CDH18: variants seen among roughly 807,000 people sequenced by gnomAD.
CDH18 encodes the protein cadherin 18, also known as cadherin-18.
Under a neutral mutation model 67.9 loss-of-function variants are expected in CDH18, and 31 were observed. The observed-to-expected ratio is 0.46, with a 90% CI of 0.34 to 0.62. CDH18 has a LOEUF of 0.62. CDH18 is among the 20% of genes least tolerant of loss of function. CDH18 has a pLI of 0.01. For synonymous variants in CDH18, 362 were observed against 347.2 expected (o/e 1.04, Z -0.48); for missense variants, 890 against 975.5 (o/e 0.91, Z 1.17).
chr5:20,229,994 C>T (rs754869015), intron 2 of CDH18, among the ~76,000 whole-genome samples: 5 of 152,168 alleles, frequency 3.3e-5, no homozygotes, highest in Non-Finnish European at 7.4e-5. Flanking sequence ...CCAGGCACTG[C>T]AGTTACCAGC....
chr5:20,161,416 G>A (rs1429500856), intron 2 of CDH18, among the ~76,000 whole-genome samples: 2 of 152,144 alleles, frequency 1.3e-5, no homozygotes, highest in Non-Finnish European at 2.9e-5. Context: ...TACACTTGCT[G>A]GCACTATGCT....
At chr5:20,465,564 A>G (rs1214907808) in intron 1 of CDH18, among the ~76,000 whole-genome samples, 3 of 152,188 alleles carry the variant, frequency 2.0e-5, no homozygotes, top group Middle Eastern at 3.4e-3. Context: ...TGAAATACAT[A>G]TGGAGTAATA....
chr5:19,791,980 A>C (rs1304300456), intron 3 of CDH18, among the ~76,000 whole-genome samples: 1 of 152,128 alleles, frequency 6.6e-6, no homozygotes, highest in African/African-American at 2.4e-5. Flanking sequence ...TTTAAAATGT[A>C]TGTATTTCTT....
chr5:20,111,392 T>C (rs1747443838), intron 2 of CDH18, among the ~76,000 whole-genome samples: 1 of 152,122 alleles, frequency 6.6e-6, no homozygotes, highest in African/African-American at 2.4e-5. Flanking sequence ...CTAGTTTTCT[T>C]TCCCCAAGAG....
chr5:19,534,481 G>C (rs1749117617), intron 9 of CDH18, among the ~76,000 whole-genome samples: 2 of 151,992 alleles, frequency 1.3e-5, no homozygotes, highest in African/African-American at 4.8e-5. Flanking sequence ...AAAAGGTGAC[G>C]TTAAAAAATT....
intron 1 of CDH18, among the ~76,000 whole-genome samples, chr5:20,517,421 G>T (rs1322874526): frequency 6.6e-6 from 1 of 151,614 alleles, no homozygotes; most frequent in Non-Finnish European, 1.5e-5. Context: ...AAACATTTTA[G>T]ATAGGATATT....
intron 6 of CDH18, among the ~76,000 whole-genome samples, chr5:19,592,725 C>T (rs1289226911): frequency 6.6e-6 from 1 of 152,118 alleles, no homozygotes. Context: ...CTACACAACA[C>T]AGCCTTGCTA....
intron 1 of CDH18, among the ~76,000 whole-genome samples, chr5:20,453,815 A>G (rs1259199104): frequency 6.6e-6 from 1 of 152,118 alleles, no homozygotes; most frequent in African/African-American, 2.4e-5. Context: ...ACTCAATTAA[A>G]AAGTAGAAAC....
chr5:19,824,138 G>C (rs910989144), intron 3 of CDH18, among the ~76,000 whole-genome samples: 1 of 152,192 alleles, frequency 6.6e-6, no homozygotes, highest in African/African-American at 2.4e-5. Context: ...GTTTGATGTA[G>C]ATGCTAAGGC....
At chr5:19,476,468 T>C (rs1042080205) in intron 12 of CDH18, among the ~76,000 whole-genome samples, 3 of 152,042 alleles carry the variant, frequency 2.0e-5, no homozygotes, top group East Asian at 3.9e-4. Flanking sequence ...TTGCTGAACA[T>C]AGGAAATATG....
chr5:20,016,352 A>G (rs1737875903), intron 2 of CDH18, among the ~76,000 whole-genome samples: 1 of 152,110 alleles, frequency 6.6e-6, no homozygotes, highest in Non-Finnish European at 1.5e-5. Context: ...AGAAAAAAAT[A>G]ACTCTTGGGT....
At chr5:19,832,605 G>A (rs569798728) in intron 3 of CDH18, among the ~76,000 whole-genome samples, 5 of 151,994 alleles carry the variant, frequency 3.3e-5, no homozygotes, top group Non-Finnish European at 7.4e-5. Context: ...CTTAGCACAC[G>A]CCTATGTCCT....
At chr5:20,115,877 T>C (rs1747868296) in intron 2 of CDH18, among the ~76,000 whole-genome samples, 1 of 152,090 alleles carries the variant, frequency 6.6e-6, no homozygotes, top group Admixed American at 6.6e-5. Flanking sequence ...GTAGATTCCT[T>C]AGGGAAAGAT....
intron 2 of CDH18, among the ~76,000 whole-genome samples, chr5:19,961,613 T>C (rs78229460): frequency 0.012 from 1,849 of 152,252 alleles, 62 homozygotes; most frequent in African/African-American, 0.042. Flanking sequence ...AGAAAGATAG[T>C]ATCTTATCTT....
intron 2 of CDH18, among the ~76,000 whole-genome samples, chr5:19,882,165 C>A (rs1787731078): frequency 6.6e-6 from 1 of 152,016 alleles, no homozygotes; most frequent in African/African-American, 2.4e-5. Flanking sequence ...TTATTTTATT[C>A]ATTTTTGGGA....
At chr5:20,356,745 C>CTATATA (rs1213453948) in intron 1 of CDH18, among the ~76,000 whole-genome samples, 1 of 136,604 alleles carries the variant, frequency 7.3e-6, no homozygotes, top group African/African-American at 3.1e-5. Context: ...CTCTCTCTCT[C>CTATATA]TCTCTCTCTA....
intron 1 of CDH18, among the ~76,000 whole-genome samples, chr5:20,336,671 C>T (rs1412891836): frequency 1.5e-5 from 2 of 132,690 alleles, no homozygotes; most frequent in Non-Finnish European, 1.5e-5. Context: ...TCTCATGAGC[C>T]GAGATCACAC....
Position 19,897,879 on chromosome 5 carries a change from G to C in CDH18, c.-256-58637C>G, listed in dbSNP as rs147830135. Among the ~76,000 whole-genome samples, 195 of 151,838 alleles carry C rather than the reference G, an allele frequency of 1.3e-3. 1 individual carries two copies. The highest frequency in any genetic ancestry group is 4.6e-3 in the African/African-American group (189 of 41,250). On this transcript the variant is annotated intron_variant, in intron 2 of 12. Coordinates refer to ENST00000382275, the MANE Select transcript of CDH18 (RefSeq NM_004934.5). The stretch of plus-strand genomic sequence containing the variant: ...AAAGTAGAAGTCAGGAACCTTGTAG[G>C]GGGTGAACAGCAATTAGCATAGCAT...
chr5:20,300,672 C>T (rs376340874), intron 1 of CDH18, among the ~76,000 whole-genome samples: 36 of 152,252 alleles, frequency 2.4e-4, no homozygotes, highest in African/African-American at 8.4e-4. Context: ...GCTCACCTCC[C>T]TGATCTAATA....
Sources: allele counts gnomAD v4.1 joint callset (sites outside exome capture counted in the v4.1 genomes callset), GRCh38; gene constraint gnomAD v4.1.1; transcripts MANE v1.5; gene names NCBI Gene and HGNC (gene_info 2026-07-23, HGNC 2026-07-21).